The following SFMBT2 variants were observed in gnomAD, a reference collection of about 807,000 sequenced individuals.
SFMBT2 encodes the protein Scm like with four mbt domains 2.
In SFMBT2, 38 loss-of-function variants were observed where a neutral mutation model predicts 110.1. That is an observed-to-expected ratio of 0.35 (90% CI 0.27 to 0.45). The LOEUF (loss-of-function observed/expected upper bound fraction) is 0.45. Among genes scored for constraint, SFMBT2 ranks in the 20% least tolerant of loss-of-function variants. The pLI is 1.00. For missense variants in SFMBT2, 1,011 were observed against 1,094.9 expected, an observed-to-expected ratio of 0.92 and a Z score of 1.08; for synonymous variants, 425 against 425.4, an observed-to-expected ratio of 1.00 and a Z score of 0.01.
At chr10:7,231,984 G>A (rs1180082474) in intron 9 of SFMBT2, among the ~76,000 whole-genome samples, 1 of 152,128 alleles carries the variant, frequency 6.6e-6, no homozygotes, top group African/African-American at 2.4e-5. Flanking sequence ...CTTAACTGTG[G>A]CCAGGAAAAC....
intron 7 of SFMBT2, among the ~76,000 whole-genome samples, chr10:7,272,987 G>T (rs767540446): frequency 1.3e-5 from 2 of 152,166 alleles, no homozygotes; most frequent in Non-Finnish European, 2.9e-5. Context: ...TAGAGACAGG[G>T]TTTTATCATA....
At chr10:7,205,739 T>C (rs1839109806) in intron 12 of SFMBT2, 76 bp downstream of exon 12, 1 of 1,527,318 alleles carries the variant, frequency 6.5e-7, no homozygotes, top group South Asian at 1.3e-5. Flanking sequence ...TTGGTTATAA[T>C]TTCTTTATGA....
At chr10:7,282,577 G>A (rs1782674835) in intron 6 of SFMBT2, among the ~76,000 whole-genome samples, 1 of 152,232 alleles carries the variant, frequency 6.6e-6, no homozygotes, top group South Asian at 2.1e-4. Context: ...ACTCAGGATA[G>A]AGATGGAGGT....
intron 4 of SFMBT2, among the ~76,000 whole-genome samples, chr10:7,332,184 T>C (rs1176004343): frequency 1.3e-5 from 2 of 152,196 alleles, no homozygotes; most frequent in Non-Finnish European, 2.9e-5. Context: ...CTGCAGTTTA[T>C]TGTAGGTTTC....
chr10:7,340,811 T>TAA (rs71382100), intron 4 of SFMBT2, among the ~76,000 whole-genome samples: 1,670 of 129,214 alleles, frequency 0.013, 34 homozygotes, highest in African/African-American at 0.043. Flanking sequence ...GTCATTGACT[T>TAA]AAAAAAAAAA....
At chr10:7,357,192 A>G (rs370760775) in intron 4 of SFMBT2, among the ~76,000 whole-genome samples, 10 of 152,054 alleles carry the variant, frequency 6.6e-5, no homozygotes, top group African/African-American at 2.2e-4. Context: ...CAAGTGGGCG[A>G]TTCAGCTCTA....
At chr10:7,222,134 T>G (rs1442870267) in intron 10 of SFMBT2, among the ~76,000 whole-genome samples, 2 of 152,240 alleles carry the variant, frequency 1.3e-5, no homozygotes, top group African/African-American at 4.8e-5. Context: ...CTTCTTTCAC[T>G]TAGTATAATA....
At chr10:7,328,342 A>C (rs539460333) in intron 4 of SFMBT2, among the ~76,000 whole-genome samples, 64 of 152,254 alleles carry the variant, frequency 4.2e-4, no homozygotes, top group African/African-American at 1.5e-3. Flanking sequence ...GAGTTTTAAG[A>C]GTCCATTTTA....
At chr10:7,167,720 A>T (rs1026792795) in intron 20 of SFMBT2, among the ~76,000 whole-genome samples, 60 of 152,356 alleles carry the variant, frequency 3.9e-4, no homozygotes, top group Non-Finnish European at 6.6e-4. Context: ...TGTACTTCAG[A>T]CAGCCCAGTG....
chr10:7,374,656 G>A (rs1355373949), intron 2 of SFMBT2, among the ~76,000 whole-genome samples: 2 of 152,118 alleles, frequency 1.3e-5, no homozygotes, highest in African/African-American at 4.8e-5. Flanking sequence ...GGAATCAGTA[G>A]AACACTAAGC....
At chr10:7,256,471 A>G (rs1841011345) in intron 7 of SFMBT2, among the ~76,000 whole-genome samples, 1 of 152,250 alleles carries the variant, frequency 6.6e-6, no homozygotes, top group Non-Finnish European at 1.5e-5. Context: ...AGAAAAAAGC[A>G]TGTGAGTGCA....
At chr10:7,312,664 C>G (rs1223995288) in intron 4 of SFMBT2, among the ~76,000 whole-genome samples, 4 of 152,042 alleles carry the variant, frequency 2.6e-5, no homozygotes, top group Non-Finnish European at 5.9e-5. Flanking sequence ...CCGGAGACCT[C>G]TGTTCTCAGC....
intron 20 of SFMBT2, among the ~76,000 whole-genome samples, chr10:7,164,778 CACACACACACACA>C (rs1564361587): frequency 4.6e-5 from 7 of 151,488 alleles, no homozygotes; most frequent in Non-Finnish European, 1.0e-4. Context: ...CACACACACA[CACACACACACACA>C]CCATTTACAG....
chr10:7,346,426 T>C lies in SFMBT2; in HGVS notation c.436+21223A>G, dbSNP rs551470624. Among the ~76,000 whole-genome samples, 8 of 152,274 alleles carry C rather than the reference T, an allele frequency of 5.3e-5. No individual in the cohort carries two copies. In the East Asian group the frequency reaches 1.3e-3, roughly 26 times the overall value. ...CACGGGTAATTTTTAAAACAAACCT[T>C]TTAGAACCGTCTCTTACAAATGTTG... is the stretch of plus-strand genomic sequence containing the variant. On this transcript the variant is annotated intron_variant, in intron 4 of 20. Transcript: ENST00000397167.
chr10:7,214,755 G>C, intron 11 of SFMBT2: 1 of 985,466 alleles, frequency 1.0e-6, no homozygotes, highest in Non-Finnish European at 1.2e-6. Context: ...TTCCTAGCTT[G>C]ATACCTGTAG....
intron 16 of SFMBT2, 27 bp from the exon 17 acceptor site, chr10:7,176,192 G>A (rs369360276): frequency 4.4e-5 from 71 of 1,611,428 alleles, no homozygotes; most frequent in Middle Eastern, 1.6e-4. Flanking sequence ...GAAGAAAAGC[G>A]AGGGCAAGAC....
At chr10:7,335,431 C>G (rs1158399418) in intron 4 of SFMBT2, among the ~76,000 whole-genome samples, 1 of 152,182 alleles carries the variant, frequency 6.6e-6, no homozygotes, top group African/African-American at 2.4e-5. Flanking sequence ...AACAGCATTA[C>G]TTGGTGACCC....
At chr10:7,183,139 A>G (rs1838291093) in intron 16 of SFMBT2, among the ~76,000 whole-genome samples, 2 of 152,214 alleles carry the variant, frequency 1.3e-5, no homozygotes, top group Non-Finnish European at 2.9e-5. Context: ...AGAAGCAACA[A>G]GCAAAAGATT....
intron 9 of SFMBT2, among the ~76,000 whole-genome samples, chr10:7,232,397 A>G (rs1840130309): frequency 6.6e-6 from 1 of 152,206 alleles, no homozygotes; most frequent in Admixed American, 6.5e-5. Flanking sequence ...GGTGTTATAC[A>G]TGAAGACACT....
Sources: gnomAD v4.1 joint callset for allele counts (sites outside exome capture counted in the v4.1 genomes callset) on GRCh38, gnomAD v4.1.1 for gene constraint, MANE v1.5 for transcripts, NCBI Gene and HGNC (gene_info 2026-07-23, HGNC 2026-07-21) for gene names.